Variants in XKR6 observed in about 807,000 individuals in gnomAD.
XKR6 encodes XK-related protein 6.
XKR6 carries 22 observed loss-of-function variants against 56.7 expected under a neutral mutation model. That is an observed-to-expected ratio of 0.39 (90% CI 0.28 to 0.55). The LOEUF (loss-of-function observed/expected upper bound fraction) is 0.55, where lower values mean the gene tolerates loss of function less well. XKR6 is among the 20% of genes least tolerant of loss of function. The pLI is 0.66. For missense variants in XKR6, 852 were observed against 889.0 expected, an observed-to-expected ratio of 0.96 and a Z score of 0.53; for synonymous variants, 524 against 387.8, an observed-to-expected ratio of 1.35 and a Z score of -4.13.
intron 1 of XKR6, among the ~76,000 whole-genome samples, chr8:11,098,958 T>C (rs1315851451): frequency 2.6e-5 from 4 of 152,180 alleles, no homozygotes; most frequent in African/African-American, 9.6e-5. Context: ...AGGTGTAACA[T>C]AGAAAGGGGT....
At chr8:11,013,006 G>C (rs997283443) in intron 1 of XKR6, among the ~76,000 whole-genome samples, 5 of 152,180 alleles carry the variant, frequency 3.3e-5, no homozygotes, top group Non-Finnish European at 7.3e-5. Context: ...CTGTAGACAT[G>C]CCTTATCCTT....
chr8:10,898,156 C>A lies in XKR6; in HGVS notation c.1722G>T (p.Leu574Phe). 1 of 1,614,028 alleles carries A rather than the reference C, an allele frequency of 6.2e-7. No individual in the cohort carries two copies. Among genetic ancestry groups the A allele is most frequent in the Non-Finnish European group, 8.5e-7 (1 of 1,179,934 alleles). The change falls in exon 3 of 3, where the codon TTG (leucine) becomes TTT (phenylalanine). Residue 574 changes from leucine (L) to phenylalanine (F), a missense_variant. Leu to Phe is a conservative substitution (Grantham distance 22). Coordinates refer to ENST00000416569, the MANE Select transcript of XKR6 (RefSeq NM_173683.4). This position sits in a 1 kb window ranked among gnomAD's most constrained non-coding sequence, Gnocchi z 6.6. Reference protein sequence around the residue: ...QVRPMGPPTPLGRPYLPEGPL... With the variant: ...QVRPMGPPTPFGRPYLPEGPL... Reference sequence around the variant, plus strand: ...GCCCTTCTGGGAGGTAAGGACGCCCCAACGGGGTAGGGGGCCCCATGGGTC... The same window carrying A: ...GCCCTTCTGGGAGGTAAGGACGCCCAAACGGGGTAGGGGGCCCCATGGGTC...
intron 1 of XKR6, among the ~76,000 whole-genome samples, chr8:11,047,503 T>C (rs368358492): frequency 1.3e-5 from 2 of 152,226 alleles, no homozygotes; most frequent in Non-Finnish European, 2.9e-5. Flanking sequence ...CCATTTTCCA[T>C]GAAAAAGAAA....
At chr8:11,069,810 G>T (rs576264718) in intron 1 of XKR6, among the ~76,000 whole-genome samples, 4 of 152,180 alleles carry the variant, frequency 2.6e-5, no homozygotes, top group South Asian at 2.1e-4. Flanking sequence ...TGTAGCATGC[G>T]GCGTGGCCCA....
intron 1 of XKR6, among the ~76,000 whole-genome samples, chr8:11,057,839 G>A (rs531961880): frequency 1.3e-5 from 2 of 152,276 alleles, no homozygotes; most frequent in East Asian, 3.9e-4. Flanking sequence ...TACTAAATGA[G>A]GAGTTCCTGA....
At chr8:10,904,196 C>A (rs1800121140) in intron 2 of XKR6, among the ~76,000 whole-genome samples, 1 of 152,130 alleles carries the variant, frequency 6.6e-6, no homozygotes, top group Non-Finnish European at 1.5e-5. Flanking sequence ...TGGTGCAGAC[C>A]AGGAGGCAGC....
At chr8:11,012,765 C>T (rs997653632) in intron 1 of XKR6, among the ~76,000 whole-genome samples, 1 of 152,154 alleles carries the variant, frequency 6.6e-6, no homozygotes, top group East Asian at 1.9e-4. Context: ...CAGAAGTACA[C>T]TAACAGCTCA....
chr8:11,163,292 A>G (rs572650948), intron 1 of XKR6, among the ~76,000 whole-genome samples: 1 of 152,364 alleles, frequency 6.6e-6, no homozygotes, highest in East Asian at 1.9e-4. Flanking sequence ...TGCACAGCTT[A>G]TATTACCCAG....
At chr8:11,128,801 T>A (rs756203265) in intron 1 of XKR6, 1 of 456,438 alleles carries the variant, frequency 2.2e-6, no homozygotes, top group Admixed American at 2.4e-5. Flanking sequence ...CCAAATTAGC[T>A]CAACCTTCAA....
intron 1 of XKR6, among the ~76,000 whole-genome samples, chr8:11,102,957 A>G (rs1798539472): frequency 6.6e-6 from 1 of 152,216 alleles, no homozygotes. Context: ...GTTGGAGGCA[A>G]AGACCAGGCA....
At chr8:11,162,531 T>C (rs897727535) in intron 1 of XKR6, among the ~76,000 whole-genome samples, 1 of 152,210 alleles carries the variant, frequency 6.6e-6, no homozygotes, top group Admixed American at 6.5e-5. Context: ...TTGTTTCAAA[T>C]TTCATTTAAA....
chr8:10,980,123 C>T (rs968426721), intron 1 of XKR6, among the ~76,000 whole-genome samples: 1 of 152,192 alleles, frequency 6.6e-6, no homozygotes, highest in Admixed American at 6.5e-5. Context: ...AGGGAGTGGC[C>T]TCAGAGGGAG....
intron 1 of XKR6, among the ~76,000 whole-genome samples, chr8:10,964,685 C>T (rs1164166519): frequency 2.0e-5 from 3 of 152,200 alleles, no homozygotes; most frequent in East Asian, 3.9e-4. Context: ...TGACCTCACC[C>T]GCGGGATCTT....
At chr8:11,129,003 T>C (rs143019147) in intron 1 of XKR6, 1 of 456,378 alleles carries the variant, frequency 2.2e-6, no homozygotes, top group East Asian at 6.9e-5. Context: ...TTCTCTCTTG[T>C]TAACTGAGGT....
rs1049656330 is a variant in XKR6 at position 11,200,587 on chromosome 8, C to A, written c.753G>T (p.Gly251=). The part of the protein sequence containing the change: ...WQSVIHLLQM[G]QVWRYIRTMY... ...CGCAGTGCTCTTACCTCCACACCTG[C>A]CCCATCTGCAGCAGGTGGATGACCG... is the stretch of plus-strand genomic sequence containing the variant. Residue 251 remains glycine (G), a synonymous_variant, in exon 1 of 3, where the codon GGG becomes GGT. Transcript: ENST00000416569. The surrounding 1 kb of genome is among the most constrained non-coding windows in gnomAD (Gnocchi z 6.4). The A allele has an allele frequency of 6.6e-7, 1 of 1,516,890 alleles. No individual in the cohort carries two copies. Among genetic ancestry groups the A allele is most frequent in the Middle Eastern group, 1.8e-4 (1 of 5,578 alleles). 94.0% of individuals were successfully genotyped at this position (1,516,890 alleles called of 1,614,324 possible). A position where few individuals can be genotyped will look rare whatever the true frequency, so the allele number is the denominator to read the frequency against.
At chr8:10,902,664 C>G (rs529010269) in intron 2 of XKR6, among the ~76,000 whole-genome samples, 11 of 152,232 alleles carry the variant, frequency 7.2e-5, no homozygotes, top group South Asian at 6.2e-4. Context: ...AGGCCATATC[C>G]TTGACACTGT....
Position 11,137,010 on chromosome 8 carries a change from A to C in XKR6, c.764+63566T>G, listed in dbSNP as rs1419672548. ...AAATAGAATAGTAGTGTTGACCCTTAAGAGGAAAAAGATGGTAGAAGACAC... is the reference window on the plus strand; with the variant it reads ...AAATAGAATAGTAGTGTTGACCCTTCAGAGGAAAAAGATGGTAGAAGACAC... On this transcript the variant is annotated intron_variant, in intron 1 of 2. Transcript: ENST00000416569. 2.0e-5 allele frequency: 3 copies of C among 152,352 alleles called. No individual in the cohort carries two copies. The East Asian group carries it at 5.8e-4, about 29-fold the overall frequency. The allele number at this position is 152,352 out of a possible 1,614,324, so 9.4% of individuals were successfully genotyped here.
chr8:11,106,191 T>A (rs940412285), intron 1 of XKR6: 1 of 152,190 alleles, frequency 6.6e-6, no homozygotes, highest in Non-Finnish European at 1.5e-5. Context: ...GGATAGTCAA[T>A]GAGGGTTCAA....
At chr8:10,972,736 G>A (rs947984027) in intron 1 of XKR6, among the ~76,000 whole-genome samples, 1 of 152,198 alleles carries the variant, frequency 6.6e-6, no homozygotes, top group Non-Finnish European at 1.5e-5. Context: ...ATTGTTTAGT[G>A]GGTACAGAAT....
Sources: allele counts gnomAD v4.1 joint callset (sites outside exome capture counted in the v4.1 genomes callset), GRCh38; gene constraint gnomAD v4.1.1; non-coding constraint Gnocchi (gnomAD v3.1); transcripts MANE v1.5; gene names NCBI Gene and HGNC (gene_info 2026-07-23, HGNC 2026-07-21).